The following RGL1 variants were observed in gnomAD, a reference collection of about 807,000 sequenced individuals.
The protein encoded by RGL1 is ral guanine nucleotide dissociation stimulator like 1.
RGL1 carries 24 observed loss-of-function variants against 95.2 expected under a neutral mutation model. That is an observed-to-expected ratio of 0.25 (90% CI 0.18 to 0.35). The LOEUF is 0.35. RGL1 is among the 10% of genes least tolerant of loss of function. The pLI, the probability that RGL1 is intolerant of heterozygous loss-of-function variation, is 1.00. For missense variants in RGL1, 715 were observed against 936.3 expected (o/e 0.76, Z 3.08); for synonymous variants, 329 against 344.9 (o/e 0.95, Z 0.51).
intron 1 of RGL1, among the ~76,000 whole-genome samples, chr1:183,654,873 GA>G (rs1324963256): frequency 6.6e-6 from 1 of 152,204 alleles, no homozygotes; most frequent in Non-Finnish European, 1.5e-5. Flanking sequence ...AGACTCCAAG[GA>G]ATGTTAAGTT....
At chr1:183,827,472 G>A (rs1662946459) in intron 2 of RGL1, among the ~76,000 whole-genome samples, 1 of 152,184 alleles carries the variant, frequency 6.6e-6, no homozygotes. Context: ...TTGCTTTATT[G>A]TAGGACGTCA....
intron 15 of RGL1, among the ~76,000 whole-genome samples, chr1:183,915,634 T>A (rs1037717904): frequency 1.3e-5 from 2 of 152,262 alleles, no homozygotes; most frequent in Non-Finnish European, 2.9e-5. Flanking sequence ...CTCCTCGTCT[T>A]TATAATGCTC....
chr1:183,776,440 G>T (rs1188349008), intron 2 of RGL1, among the ~76,000 whole-genome samples: 1 of 151,996 alleles, frequency 6.6e-6, no homozygotes, highest in African/African-American at 2.4e-5. Flanking sequence ...GAGCCACCGC[G>T]CCCGGCCAGA....
Position 183,685,610 on chromosome 1 carries a change from G to A in RGL1, c.-33+49109G>A, listed in dbSNP as rs74655051. Among the ~76,000 whole-genome samples, 400 of 152,200 alleles carry A rather than the reference G, an allele frequency of 2.6e-3. 5 individuals carry two copies. The highest frequency in any genetic ancestry group is 0.017 in the Admixed American group (253 of 15,292). The stretch of plus-strand genomic sequence containing the variant: ...TATAGTACATGAAACATTTTCTCTA[G>A]CAGCAGCTCTAATGTGTAATAAAAC... On this transcript the variant is annotated intron_variant, in intron 1 of 18. Coordinates refer to the RGL1 transcript ENST00000304685.
chr1:183,903,709 T>G (rs552482862), intron 12 of RGL1, among the ~76,000 whole-genome samples: 1 of 152,054 alleles, frequency 6.6e-6, no homozygotes, highest in Non-Finnish European at 1.5e-5. Flanking sequence ...GTTAGAGAAG[T>G]ATATAGGTGG....
intron 1 of RGL1, among the ~76,000 whole-genome samples, chr1:183,704,595 A>C (rs1287152893): frequency 6.6e-6 from 1 of 152,168 alleles, no homozygotes; most frequent in Non-Finnish European, 1.5e-5. Context: ...AATGTATAAG[A>C]AATGTTTGAA....
upstream of RGL1, among the ~76,000 whole-genome samples, chr1:183,802,636 T>C (rs908544914): frequency 8.0e-6 from 1 of 125,254 alleles, no homozygotes; most frequent in African/African-American, 2.8e-5. Context: ...TATAAACTAA[T>C]AAACAAATTC....
intron 2 of RGL1, among the ~76,000 whole-genome samples, chr1:183,774,984 C>T (rs937038576): frequency 5.3e-5 from 8 of 152,216 alleles, no homozygotes; most frequent in African/African-American, 1.9e-4. Context: ...ACGTCAGGCC[C>T]TTCATTCATT....
intron 1 of RGL1, among the ~76,000 whole-genome samples, chr1:183,667,364 G>A (rs1052163376): frequency 1.3e-5 from 2 of 151,982 alleles, no homozygotes; most frequent in African/African-American, 4.8e-5. Flanking sequence ...TGCTCTTGTT[G>A]CCTAGGCTGG....
At chr1:183,700,703 A>G (rs1331133776) in intron 1 of RGL1, among the ~76,000 whole-genome samples, 2 of 151,800 alleles carry the variant, frequency 1.3e-5, no homozygotes, top group Non-Finnish European at 2.9e-5. Context: ...ACACCACCAC[A>G]CTTGGCTAAT....
At chr1:183,911,752 T>C (rs1668653579) in intron 14 of RGL1, among the ~76,000 whole-genome samples, 1 of 152,200 alleles carries the variant, frequency 6.6e-6, no homozygotes, top group Admixed American at 6.5e-5. Flanking sequence ...GATCATTTTA[T>C]GGTAGGAAGT....
At chr1:183,869,738 C>G (rs934439321) in intron 4 of RGL1, among the ~76,000 whole-genome samples, 1 of 152,096 alleles carries the variant, frequency 6.6e-6, no homozygotes, top group Non-Finnish European at 1.5e-5. Context: ...AGGGTCACTG[C>G]TTTGTCTTTG....
At chr1:183,813,975 T>G (rs1460213182) in intron 2 of RGL1, among the ~76,000 whole-genome samples, 1 of 152,236 alleles carries the variant, frequency 6.6e-6, no homozygotes, top group African/African-American at 2.4e-5. Context: ...ATGTCACTTA[T>G]GGCCTCTTCT....
At chr1:183,868,682 G>C (rs1166523655) in intron 4 of RGL1, among the ~76,000 whole-genome samples, 1 of 152,208 alleles carries the variant, frequency 6.6e-6, no homozygotes, top group African/African-American at 2.4e-5. Flanking sequence ...GAGAGATACT[G>C]TAAGAATTGA....
chr1:183,864,819 C>T (rs1244884866), intron 3 of RGL1, among the ~76,000 whole-genome samples: 2 of 152,040 alleles, frequency 1.3e-5, no homozygotes, highest in Non-Finnish European at 2.9e-5. Flanking sequence ...CTGGAACCTA[C>T]CGGGATGGGA....
intron 6 of RGL1, among the ~76,000 whole-genome samples, chr1:183,884,232 A>G (rs913129049): frequency 4.6e-5 from 7 of 152,248 alleles, no homozygotes; most frequent in African/African-American, 1.7e-4. Context: ...TAAATATTTC[A>G]AGATCTGAAC....
At chr1:183,715,240 A>C (rs140670229) in intron 1 of RGL1, among the ~76,000 whole-genome samples, 1 of 152,180 alleles carries the variant, frequency 6.6e-6, no homozygotes, top group African/African-American at 2.4e-5. Flanking sequence ...CAGGTCACAA[A>C]TTCTACATTT....
At position 183,916,553 on chromosome 1, in the gene RGL1, A is replaced by G. The variant is rs149248998; in HGVS notation, c.1856A>G (p.Asn619Ser). Reference protein sequence around the residue: ...NPLSSPPSCNNNPKIHKRSVS... With the variant: ...NPLSSPPSCNSNPKIHKRSVS... ...CTCTCCTCCCCTCCGTCCTGCAACA[A>G]CAACCCCAAAATCCACAAGCGCTCT... is the stretch of plus-strand genomic sequence containing the variant. Residue 619 changes from asparagine to serine, a missense_variant, in exon 16 of 18, where the codon AAC becomes AGC. This residue lies in a region of RGL1 where 330 missense variants were observed against 429.6 expected (regional missense o/e 0.77). Transcript: ENST00000360851. 6.0e-5 allele frequency: 97 copies of G among 1,612,336 alleles called. No individual in the cohort carries two copies. The African/African-American group carries it at 1.3e-3, about 21-fold the overall frequency.
At chr1:183,741,335 T>C (rs917855241) in intron 1 of RGL1, among the ~76,000 whole-genome samples, 2 of 152,276 alleles carry the variant, frequency 1.3e-5, no homozygotes, top group African/African-American at 4.8e-5. Context: ...TCTGATAATA[T>C]GGGGCTGAGC....
Sources: allele counts gnomAD v4.1 joint callset (sites outside exome capture counted in the v4.1 genomes callset), GRCh38; gene constraint gnomAD v4.1.1; regional missense constraint gnomAD v4.1.1; transcripts MANE v1.5; gene names NCBI Gene and HGNC (gene_info 2026-07-23, HGNC 2026-07-21).